The following MAP3K20 variants were observed in gnomAD, a reference collection of about 807,000 sequenced individuals.
MAP3K20 encodes mitogen-activated protein kinase kinase kinase 20.
Under a neutral mutation model 85.7 loss-of-function variants are expected in MAP3K20, and 40 were observed. The observed-to-expected ratio is 0.47, with a 90% confidence interval of 0.36 to 0.61. The LOEUF is 0.61. Among genes scored for constraint, MAP3K20 ranks in the 20% least tolerant of loss-of-function variants. MAP3K20 has a pLI of 0.00. For synonymous variants in MAP3K20, 325 were observed against 327.7 expected, an observed-to-expected ratio of 0.99 and a Z score of 0.09; for missense variants, 817 against 961.7, an observed-to-expected ratio of 0.85 and a Z score of 1.99.
In MAP3K20 at chr2:173,266,308, C is replaced by G; in HGVS notation, c.1961C>G (p.Ser654Cys). The stretch of plus-strand genomic sequence containing the variant: ...AACTTCTCTTCCCTACATCTCAACT[C>G]TAGGGACAGTGGCTTTTCCAGTGGC... ...TKNFSSLHLNSRDSGFSSGNT... is the reference protein window; with the variant it reads ...TKNFSSLHLNCRDSGFSSGNT... Residue 654 changes from serine to cysteine, a missense_variant, in exon 20 of 20, where the codon TCT becomes TGT. Physicochemically the swap from Ser to Cys is moderately radical, Grantham distance 112. Coordinates refer to ENST00000375213, the MANE Select transcript of MAP3K20 (RefSeq NM_016653.3). 1.2e-6 allele frequency: 2 copies of G among 1,614,142 alleles called. No individual in the cohort carries two copies. The highest frequency in any genetic ancestry group is 1.7e-6 in the Non-Finnish European group (2 of 1,180,022).
intron 2 of MAP3K20, among the ~76,000 whole-genome samples, chr2:173,142,287 AT>A (rs1559249488): frequency 6.6e-6 from 1 of 152,104 alleles, no homozygotes; most frequent in African/African-American, 2.4e-5. Context: ...CCTGGCTAAC[AT>A]GGTAAAACCC....
chr2:173,221,523 G>A, intron 11 of MAP3K20: 2 of 1,552,524 alleles, frequency 1.3e-6, no homozygotes. Flanking sequence ...ATGGATAATA[G>A]TGAATGAAAG....
At chr2:173,238,317 T>G (rs1684699735) in intron 14 of MAP3K20, 56 bp from the exon 15 acceptor site, 1 of 1,460,680 alleles carries the variant, frequency 6.8e-7, no homozygotes, top group African/African-American at 1.4e-5. Context: ...CCAATGATTT[T>G]AGTCTTCTCT....
At chr2:173,083,614 A>C (rs770925098) in intron 1 of MAP3K20, among the ~76,000 whole-genome samples, 1 of 152,196 alleles carries the variant, frequency 6.6e-6, no homozygotes. Flanking sequence ...TGTTACGGAC[A>C]AATACACTGA....
intron 1 of MAP3K20, among the ~76,000 whole-genome samples, chr2:173,084,024 T>C (rs181721608): frequency 1.5e-4 from 23 of 152,282 alleles, no homozygotes; most frequent in African/African-American, 5.3e-4. Context: ...AACCACAAGA[T>C]AGAAACATCC....
At chr2:173,170,960 G>GT (rs1689982622) in intron 3 of MAP3K20, among the ~76,000 whole-genome samples, 1 of 152,186 alleles carries the variant, frequency 6.6e-6, no homozygotes, top group African/African-American at 2.4e-5. Flanking sequence ...CATGGTTACT[G>GT]TTATACCATC....
At chr2:173,176,589 G>T (rs563258824) in intron 3 of MAP3K20, among the ~76,000 whole-genome samples, 1 of 152,104 alleles carries the variant, frequency 6.6e-6, no homozygotes, top group African/African-American at 2.4e-5. Flanking sequence ...GGATTTAAAT[G>T]ATAGATTAAA....
intron 4 of MAP3K20, among the ~76,000 whole-genome samples, chr2:173,183,185 G>A (rs1690383252): frequency 6.6e-6 from 1 of 151,918 alleles, no homozygotes; most frequent in Non-Finnish European, 1.5e-5. Context: ...TTCTATCCAC[G>A]AAATCTAGTT....
intron 3 of MAP3K20, among the ~76,000 whole-genome samples, chr2:173,182,266 A>C (rs1690353860): frequency 6.6e-6 from 1 of 152,228 alleles, no homozygotes; most frequent in African/African-American, 2.4e-5. Context: ...ATTTGTAGTG[A>C]TGGAAAGGTT....
At position 173,266,405 on chromosome 2, in the gene MAP3K20, A is replaced by C. The variant is rs774171764; in HGVS notation, c.2058A>C (p.Ile686=). The C allele has an allele frequency of 1.9e-6, 3 of 1,614,180 alleles. No individual in the cohort carries two copies. Among genetic ancestry groups the C allele is most frequent in the Non-Finnish European group, 2.5e-6 (3 of 1,180,022 alleles). The change falls in exon 20 of 20, where the codon ATA becomes ATC. Residue 686 remains isoleucine, a synonymous_variant. Coordinates refer to ENST00000375213, the MANE Select transcript of MAP3K20 (RefSeq NM_016653.3). ...RSRNKYGRGS[I]SLNSSPRGRY... ...GGAACAAATATGGACGTGGTAGTAT[A>C]TCACTCAATTCTTCTCCTAGAGGAA...
At chr2:173,135,780 C>T (rs964859407) in intron 2 of MAP3K20, among the ~76,000 whole-genome samples, 2 of 152,160 alleles carry the variant, frequency 1.3e-5, no homozygotes, top group Admixed American at 6.5e-5. Context: ...CATTATCACT[C>T]TAGACAATTT....
chr2:173,077,064 A>C (rs1458554705), intron 1 of MAP3K20, among the ~76,000 whole-genome samples: 1 of 152,324 alleles, frequency 6.6e-6, no homozygotes, highest in Non-Finnish European at 1.5e-5. Flanking sequence ...AAGCAACACA[A>C]TTTAGGGGCC....
At position 173,266,530 on chromosome 2, in the gene MAP3K20, C is replaced by T. The variant is rs765521794; in HGVS notation, c.2183C>T (p.Pro728Leu). The change falls in exon 20 of 20, where the codon CCT (proline) becomes CTT (leucine). Residue 728 changes from proline to leucine, a missense_variant. Around this residue, in one of 4 missense-constraint regions of MAP3K20, gnomAD observed 454 missense variants for 476.9 expected, o/e 0.95. Transcript: ENST00000375213. The stretch of plus-strand genomic sequence containing the variant: ...TCAGCACTCAATCCTCACCAGTCGC[C>T]TGACTTCAAGAGAAGCCCCAGGGAC... The part of the protein sequence containing the change: ...SQSALNPHQS[P>L]DFKRSPRDLH... 2.4e-5 allele frequency: 39 copies of T among 1,613,944 alleles called. No individual in the cohort carries two copies. Among genetic ancestry groups the T allele is most frequent in the Non-Finnish European group, 3.2e-5 (38 of 1,179,950 alleles).
intron 16 of MAP3K20, among the ~76,000 whole-genome samples, chr2:173,241,479 C>G (rs1442106376): frequency 6.6e-6 from 1 of 151,864 alleles, no homozygotes; most frequent in Non-Finnish European, 1.5e-5. Context: ...TGGGTGTAGT[C>G]GTGTAAGCCT....
At position 173,108,456 on chromosome 2, in the gene MAP3K20, T is replaced by C. The variant is rs1247176907; in HGVS notation, c.159+17266T>C. Among the ~76,000 whole-genome samples, 5 of 152,368 alleles carry C rather than the reference T, an allele frequency of 3.3e-5. No homozygotes were observed. In the South Asian group the frequency reaches 8.3e-4, roughly 25 times the overall value. ...TAAACTGGGATTTTTAAAAATCTCT[T>C]TTTAATTACACATGTCCTGTCCCCT... On this transcript the variant is annotated intron_variant, in intron 2 of 19. Coordinates refer to ENST00000375213, the MANE Select transcript of MAP3K20 (RefSeq NM_016653.3).
intron 2 of MAP3K20, among the ~76,000 whole-genome samples, chr2:173,127,375 A>C (rs983034584): frequency 6.6e-6 from 1 of 152,226 alleles, no homozygotes; most frequent in African/African-American, 2.4e-5. Context: ...ATAACTTTAT[A>C]AATAATTTAT....
chr2:173,127,967 A>G (rs1404236252), intron 2 of MAP3K20, among the ~76,000 whole-genome samples: 2 of 152,204 alleles, frequency 1.3e-5, no homozygotes. Flanking sequence ...AGTAAGTGAT[A>G]GAATCTAGAC....
At position 173,225,737 on chromosome 2, in the gene MAP3K20, T is replaced by G. The variant is rs1234728448; in HGVS notation, c.988-3952T>G. The G allele has an allele frequency of 5.1e-6, 5 of 985,228 alleles. No individual in the cohort carries two copies. In the East Asian group the frequency reaches 4.5e-4, roughly 89 times the overall value. 61.0% of individuals were successfully genotyped at this position (985,228 alleles called of 1,614,324 possible). A position where few individuals can be genotyped will look rare whatever the true frequency, so the allele number is the denominator to read the frequency against. On this transcript the variant is annotated intron_variant, in intron 11 of 19. Coordinates refer to ENST00000375213, the MANE Select transcript of MAP3K20 (RefSeq NM_016653.3). ...TTACCCAAGTCAAAACAAAATGTAT[T>G]TTTAGAATTACGGCAGCATACGACC...
chr2:173,200,104 A>G (rs1163830180), intron 8 of MAP3K20, among the ~76,000 whole-genome samples: 1 of 152,182 alleles, frequency 6.6e-6, no homozygotes, highest in Non-Finnish European at 1.5e-5. Context: ...GGTGAAATAC[A>G]TTTTCTCAAC....
Sources: gnomAD v4.1 joint callset for allele counts (sites outside exome capture counted in the v4.1 genomes callset) on GRCh38, gnomAD v4.1.1 for gene constraint, gnomAD v4.1.1 regional missense constraint, MANE v1.5 for transcripts, NCBI Gene and HGNC (gene_info 2026-07-23, HGNC 2026-07-21) for gene names.